MYOCOS: variants seen among roughly 807,000 people sequenced by gnomAD.
MYOCOS encodes myocilin opposite strand, also known as myocilin opposite strand protein.
intron 1 of MYOCOS, among the ~76,000 whole-genome samples, chr1:171,602,635 A>G (rs1190618665): frequency 1.3e-5 from 2 of 152,292 alleles, no homozygotes; most frequent in Admixed American, 6.5e-5. Context: ...GGTCAAACAT[A>G]AAAAATTAGA....
upstream of MYOCOS, among the ~76,000 whole-genome samples, chr1:171,621,521 A>G (rs183079226): frequency 0.037 from 5,662 of 151,476 alleles, 253 homozygotes; most frequent in African/African-American, 0.1. Context: ...GACTACAGGC[A>G]CCCGCCACCA....
Position 171,605,390 on chromosome 1 carries a change from C to CA in MYOCOS, c.-252+4311dup, listed in dbSNP as rs1237026728. Among the ~76,000 whole-genome samples, 7 of 133,370 alleles carry CA rather than the reference C, an allele frequency of 5.2e-5. No individual in the cohort carries two copies. The East Asian group carries it at 1.4e-3, about 26-fold the overall frequency. The allele number at this position is 133,370 out of a possible 152,430, so 87.5% of individuals were successfully genotyped here. On this transcript the variant is annotated intron_variant, in intron 1 of 3. Coordinates refer to the MYOCOS transcript ENST00000636697. ...TAATAGTACCACACACACACACACA[C>CA]ACACAAAAAAAAAAAAACAGTTACA...
At chr1:171,601,128 G>A (rs1180345919) in intron 1 of MYOCOS, 1 of 152,326 alleles carries the variant, frequency 6.6e-6, no homozygotes, top group African/African-American at 2.4e-5. Flanking sequence ...GTGCGTAGCA[G>A]GCCCCTGCGG....
intron 1 of MYOCOS, among the ~76,000 whole-genome samples, chr1:171,605,085 AT>A (rs34569537): frequency 6.4e-4 from 94 of 147,828 alleles, no homozygotes; most frequent in South Asian, 5.5e-3. Flanking sequence ...GAAAAACTAA[AT>A]TTTTTTTTTT....
At chr1:171,608,075 G>T (rs970420393) in intron 1 of MYOCOS, among the ~76,000 whole-genome samples, 1 of 152,186 alleles carries the variant, frequency 6.6e-6, no homozygotes, top group Admixed American at 6.5e-5. Flanking sequence ...CAGTATGGGG[G>T]AAACTGCCCT....
intron 1 of MYOCOS, among the ~76,000 whole-genome samples, chr1:171,623,112 T>C (rs992985209): frequency 3.3e-4 from 50 of 152,026 alleles, no homozygotes; most frequent in African/African-American, 1.2e-3. Context: ...ACCTGTAGTC[T>C]CAGCTACTTG....
Position 171,606,080 on chromosome 1 carries a change from T to C in MYOCOS, c.-252+5000T>C, listed in dbSNP as rs138645856. 2.3e-3 allele frequency among the ~76,000 whole-genome samples: 350 copies of C among 152,308 alleles called. 1 individual carries two copies. Among genetic ancestry groups the C allele is most frequent in the African/African-American group, 8.1e-3 (335 of 41,560 alleles). On this transcript the variant is annotated intron_variant, in intron 1 of 3. Transcript: ENST00000636697. ...TAGCACGGATTCGACCCTGAAGCCA[T>C]GTTTAAAAGGTATTTCCCAGCACTA...
intron 1 of MYOCOS, among the ~76,000 whole-genome samples, chr1:171,606,902 A>G (rs1652254510): frequency 6.6e-6 from 1 of 151,974 alleles, no homozygotes. Context: ...GACCAGCCTG[A>G]CCAAGAGGGT....
intron 2 of MYOCOS, among the ~76,000 whole-genome samples, chr1:171,624,610 G>T (rs12728541): frequency 0.51 from 77,156 of 150,920 alleles, 19,800 homozygotes; most frequent in African/African-American, 0.58. Context: ...CTAATATTTT[G>T]TGTGTGTGTG....
Position 171,612,370 on chromosome 1 carries a change from C to T in MYOCOS, c.-251-2428C>T, listed in dbSNP as rs929573421. Among the ~76,000 whole-genome samples the T allele has an allele frequency of 3.3e-5, 5 of 151,936 alleles. No homozygotes were observed. In the East Asian group the frequency reaches 5.9e-4, roughly 18 times the overall value. On this transcript the variant is annotated intron_variant, in intron 1 of 3. Transcript: ENST00000636697. ...CTGGGATTACAGGTGTGAGCCACTG[C>T]GCCTGGCCTGTACCCTCTAGGTTTC...
intron 1 of MYOCOS, among the ~76,000 whole-genome samples, chr1:171,608,184 A>G (rs1037944029): frequency 1.2e-4 from 18 of 152,182 alleles, no homozygotes; most frequent in African/African-American, 3.6e-4. Context: ...CGGCCAAACC[A>G]TATCAGTCAG....
intron 1 of MYOCOS, among the ~76,000 whole-genome samples, chr1:171,623,029 G>A (rs1025347696): frequency 6.6e-6 from 1 of 152,146 alleles, no homozygotes; most frequent in Non-Finnish European, 1.5e-5. Flanking sequence ...ATGAGTTTGA[G>A]ACCAACCTGA....
chr1:171,604,432 G>A (rs1652205733), intron 1 of MYOCOS: 1 of 152,116 alleles, frequency 6.6e-6, no homozygotes, highest in South Asian at 2.1e-4. Context: ...TAAATGCCTA[G>A]GAACTCCAAA....
chr1:171,606,464 C>T (rs1381274084), intron 1 of MYOCOS, among the ~76,000 whole-genome samples: 1 of 94 alleles, frequency 0.011, no homozygotes, highest in East Asian at 0.25. Flanking sequence ...GCACCAGGCC[C>T]CAGGCCTGGC....
chr1:171,609,991 GC>G (rs1374645320), intron 1 of MYOCOS, among the ~76,000 whole-genome samples: 2 of 152,200 alleles, frequency 1.3e-5, no homozygotes, highest in Admixed American at 6.5e-5. Flanking sequence ...GTAGGCCTCA[GC>G]CCCCCTTCAC....
At chr1:171,620,278 C>T (rs1278394554), upstream of MYOCOS, among the ~76,000 whole-genome samples, 1 of 151,900 alleles carries the variant, frequency 6.6e-6, no homozygotes, top group Non-Finnish European at 1.5e-5. Flanking sequence ...AAATTCTCAT[C>T]AGATGGGTTT....
At chr1:171,606,051 A>T (rs1652237812) in intron 1 of MYOCOS, among the ~76,000 whole-genome samples, 1 of 152,206 alleles carries the variant, frequency 6.6e-6, no homozygotes, top group Non-Finnish European at 1.5e-5. Context: ...TGCCCGTAAA[A>T]GTGTAGCACG....
At chr1:171,624,105 A>C (rs957602422) in intron 2 of MYOCOS, 127 bp downstream of exon 2, 3 of 397,154 alleles carry the variant, frequency 7.6e-6, no homozygotes, top group African/African-American at 2.1e-5. Context: ...GCTGCAAGAC[A>C]CATTTCACAG....
chr1:171,615,936 G>A (rs56737295), intron 2 of MYOCOS, among the ~76,000 whole-genome samples: 11,774 of 151,478 alleles, frequency 0.078, 1,530 homozygotes, highest in African/African-American at 0.27. Flanking sequence ...AGAAATGAGG[G>A]GCCAGGCACA....
Sources: allele counts gnomAD v4.1 joint callset (sites outside exome capture counted in the v4.1 genomes callset), GRCh38; gene constraint gnomAD v4.1.1; transcripts MANE v1.5; gene names NCBI Gene and HGNC (gene_info 2026-07-23, HGNC 2026-07-21).